Variants in DNAAF4 observed in about 807,000 individuals in gnomAD.
The protein encoded by DNAAF4 is dynein assembly factor 4, axonemal.
Under a neutral mutation model 51.8 loss-of-function variants are expected in DNAAF4, and 43 were observed. The observed-to-expected ratio is 0.83, with a 90% confidence interval of 0.65 to 1.07. The LOEUF is 1.07. Among genes scored for constraint, DNAAF4 ranks in the 50% least tolerant of loss-of-function variants. DNAAF4 has a pLI of 0.00. For missense variants in DNAAF4, 581 were observed against 493.0 expected (o/e 1.18, Z -1.69); for synonymous variants, 194 against 165.6 (o/e 1.17, Z -1.32).
intron 3 of DNAAF4, among the ~76,000 whole-genome samples, chr15:55,492,471 A>T (rs1184498632): frequency 6.6e-6 from 1 of 152,180 alleles, no homozygotes; most frequent in Non-Finnish European, 1.5e-5. Context: ...TGTATGAAAT[A>T]AAATATACAG....
chr15:55,419,800 C>T (rs764826180), intron 7 of DNAAF4, among the ~76,000 whole-genome samples: 1 of 151,902 alleles, frequency 6.6e-6, no homozygotes, highest in Middle Eastern at 3.2e-3. Context: ...AGTTTAAGAC[C>T]GACCGGCCTG....
chr15:55,481,176 G>A (rs1468856777), intron 4 of DNAAF4, among the ~76,000 whole-genome samples: 2 of 152,146 alleles, frequency 1.3e-5, no homozygotes, highest in Non-Finnish European at 2.9e-5. Context: ...TTCATTAGCA[G>A]TGTGAGAATG....
intron 1 of DNAAF4, among the ~76,000 whole-genome samples, chr15:55,501,415 G>A (rs1295963240): frequency 1.9e-5 from 2 of 107,498 alleles, no homozygotes; most frequent in East Asian, 2.8e-4. Context: ...TCGCTCTTTC[G>A]CCCAGGCTGG....
At chr15:55,452,383 A>T (rs980418986) in intron 5 of DNAAF4, among the ~76,000 whole-genome samples, 17 of 151,960 alleles carry the variant, frequency 1.1e-4, no homozygotes, top group Non-Finnish European at 2.4e-4. Flanking sequence ...CATGCAGGAA[A>T]TCATCACTAT....
rs560485666 is a variant in DNAAF4, at chr15:55,435,787, TTTTG to T, written c.894-733_894-730del. Among the ~76,000 whole-genome samples, 1,223 of 152,296 alleles carry T rather than the reference TTTTG, an allele frequency of 8.0e-3. 19 individuals carry two copies. The highest frequency in any genetic ancestry group is 0.028 in the African/African-American group (1,172 of 41,570). On this transcript the variant is annotated intron_variant, in intron 7 of 9. Coordinates refer to ENST00000321149, the MANE Select transcript of DNAAF4 (RefSeq NM_130810.4). ...TTCAAAATGCAAAGTCTTTGCTTTT[TTTTG>T]TTTGTTTGTTTTTTGAGACAGAGTT...
chr15:55,453,954 G>A (rs954858878), intron 5 of DNAAF4, among the ~76,000 whole-genome samples: 3 of 152,066 alleles, frequency 2.0e-5, no homozygotes, highest in Non-Finnish European at 4.4e-5. Context: ...TTATAAACTA[G>A]AAGATAGATC....
rs568982667 is a variant in DNAAF4, at chr15:55,464,570, T to TATCC, written c.637+2356_637+2359dup. Among the ~76,000 whole-genome samples the TATCC allele has an allele frequency of 1.9e-4, 29 of 152,268 alleles. 1 individual carries two copies. In the East Asian group the frequency reaches 5.6e-3, roughly 29 times the overall value. ...AACTATGCATCTGACGAAGGACTAA[T>TATCC]ATCCACAATGTACAGGGAACTCAAA... is the stretch of plus-strand genomic sequence containing the variant. On this transcript the variant is annotated intron_variant, in intron 5 of 9. Transcript: ENST00000321149.
intron 5 of DNAAF4, among the ~76,000 whole-genome samples, chr15:55,466,162 C>T (rs2058168686): frequency 6.6e-6 from 1 of 152,210 alleles, no homozygotes; most frequent in Admixed American, 6.5e-5. Flanking sequence ...GTGGCTCATG[C>T]ACACAATCTC....
chr15:55,433,927 A>AATATATATT (rs2057553345), intron 8 of DNAAF4, among the ~76,000 whole-genome samples: 8 of 1,814 alleles, frequency 4.4e-3, no homozygotes, highest in African/African-American at 0.015. Context: ...TATATATTAT[A>AATATATATT]TTATATAAAA....
At chr15:55,497,607 AT>A in intron 3 of DNAAF4, 104 bp downstream of exon 3, 2 of 1,331,304 alleles carry the variant, frequency 1.5e-6, no homozygotes, top group Non-Finnish European at 2.0e-6. Context: ...AAAAAAAAAA[AT>A]CTATCTTCCC....
chr15:55,500,123 C>A (rs972389241), intron 1 of DNAAF4, among the ~76,000 whole-genome samples: 1 of 151,774 alleles, frequency 6.6e-6, no homozygotes, highest in Non-Finnish European at 1.5e-5. Flanking sequence ...GGATTTTAAA[C>A]TTATTTACTT....
At chr15:55,478,967 G>C (rs1480940563) in intron 4 of DNAAF4, among the ~76,000 whole-genome samples, 1 of 152,044 alleles carries the variant, frequency 6.6e-6, no homozygotes, top group Non-Finnish European at 1.5e-5. Flanking sequence ...AAGCTATGCA[G>C]TTACCCAGAC....
chr15:55,459,615 T>G (rs1017874299), intron 5 of DNAAF4, among the ~76,000 whole-genome samples: 4 of 152,076 alleles, frequency 2.6e-5, no homozygotes, highest in Admixed American at 1.3e-4. Context: ...GCCTAACATA[T>G]AAGGACTCAT....
intron 5 of DNAAF4, among the ~76,000 whole-genome samples, chr15:55,460,182 T>A (rs1303362256): frequency 3.2e-5 from 4 of 124,674 alleles, no homozygotes; most frequent in Non-Finnish European, 5.7e-5. Context: ...TTTACTTATT[T>A]ATTTATTTTT....
chr15:55,469,587 A>G (rs971376494), intron 4 of DNAAF4, among the ~76,000 whole-genome samples: 12 of 134,084 alleles, frequency 8.9e-5, no homozygotes, highest in Non-Finnish European at 1.4e-4. Context: ...GGTTCATGCC[A>G]TTCTCCTGCC....
chr15:55,444,656 T>C (rs1750904123), intron 6 of DNAAF4, among the ~76,000 whole-genome samples: 2 of 152,240 alleles, frequency 1.3e-5, no homozygotes, highest in Admixed American at 1.3e-4. Flanking sequence ...ATTTTTACGA[T>C]ATTGATTCTT....
At chr15:55,466,345 G>C (rs1020189239) in intron 5 of DNAAF4, among the ~76,000 whole-genome samples, 3 of 152,090 alleles carry the variant, frequency 2.0e-5, no homozygotes, top group Non-Finnish European at 4.4e-5. Flanking sequence ...GATGGCTTGA[G>C]CTGGGGAGGC....
intron 4 of DNAAF4, among the ~76,000 whole-genome samples, chr15:55,471,671 G>T (rs540829759): frequency 6.6e-6 from 1 of 151,598 alleles, no homozygotes; most frequent in Admixed American, 6.6e-5. Context: ...CCACTACCAC[G>T]CCCGGCTAAT....
chr15:55,487,880 GA>G (rs2058514679), intron 4 of DNAAF4, among the ~76,000 whole-genome samples: 1 of 152,080 alleles, frequency 6.6e-6, no homozygotes, highest in Non-Finnish European at 1.5e-5. Flanking sequence ...CTCTTTCCAA[GA>G]AGTATAGTCT....
Sources: gnomAD v4.1 joint callset for allele counts (sites outside exome capture counted in the v4.1 genomes callset) on GRCh38, gnomAD v4.1.1 for gene constraint, MANE v1.5 for transcripts, NCBI Gene and HGNC (gene_info 2026-07-23, HGNC 2026-07-21) for gene names.